Variants in NR6A1 observed in about 807,000 individuals in gnomAD.
NR6A1 encodes the protein nuclear receptor subfamily 6 group A member 1, also known as retinoic acid receptor-related testis-associated receptor.
Under a neutral mutation model 59.1 loss-of-function variants are expected in NR6A1, and 7 were observed. The observed-to-expected ratio is 0.12, with a 90% confidence interval of 0.07 to 0.22. The LOEUF (loss-of-function observed/expected upper bound fraction) is 0.22, where lower values mean the gene tolerates loss of function less well. Among genes scored for constraint, NR6A1 ranks in the 10% least tolerant of loss-of-function variants. NR6A1 has a pLI of 1.00. For missense variants in NR6A1, 468 were observed against 611.6 expected (o/e 0.77, Z 2.48); for synonymous variants, 243 against 236.1 (o/e 1.03, Z -0.27).
At chr9:124,681,049 A>G (rs1588776753) in intron 2 of NR6A1, among the ~76,000 whole-genome samples, 1 of 152,320 alleles carries the variant, frequency 6.6e-6, no homozygotes, top group East Asian at 1.9e-4. Context: ...GATTTTATTC[A>G]ATCTTGACCC....
intron 2 of NR6A1, among the ~76,000 whole-genome samples, chr9:124,688,763 G>A (rs1838423823): frequency 1.3e-5 from 2 of 152,168 alleles, no homozygotes; most frequent in African/African-American, 2.4e-5. Context: ...CACCAAGGAG[G>A]TGATAAATGA....
intron 2 of NR6A1, among the ~76,000 whole-genome samples, chr9:124,728,404 G>C (rs1839787801): frequency 6.6e-6 from 1 of 151,894 alleles, no homozygotes; most frequent in African/African-American, 2.4e-5. Flanking sequence ...GGGAGGCTGA[G>C]GCAGGTGGAT....
intron 8 of NR6A1, among the ~76,000 whole-genome samples, chr9:124,525,689 C>A (rs1170887219): frequency 6.7e-6 from 1 of 150,238 alleles, no homozygotes; most frequent in African/African-American, 2.5e-5. Flanking sequence ...CTCTCTCTCT[C>A]TCTCTCTCTC....
At chr9:124,677,517 C>T (rs1327056854) in intron 2 of NR6A1, among the ~76,000 whole-genome samples, 2 of 151,934 alleles carry the variant, frequency 1.3e-5, no homozygotes, top group Non-Finnish European at 2.9e-5. Flanking sequence ...CTTGCTTCAG[C>T]CTCCCAAAGT....
At chr9:124,645,419 C>T (rs1836901834) in intron 2 of NR6A1, among the ~76,000 whole-genome samples, 2 of 152,106 alleles carry the variant, frequency 1.3e-5, no homozygotes, top group Middle Eastern at 3.2e-3. Context: ...AGTAGAAAGA[C>T]ACATAAAGAA....
At chr9:124,734,243 T>G (rs1839959257) in intron 1 of NR6A1, among the ~76,000 whole-genome samples, 1 of 152,214 alleles carries the variant, frequency 6.6e-6, no homozygotes, top group South Asian at 2.1e-4. Context: ...AACAAGGAAC[T>G]ACTTGTTCAG....
chr9:124,571,092 G>C, intron 2 of NR6A1, among the ~76,000 whole-genome samples: 1 of 152,192 alleles, frequency 6.6e-6, no homozygotes, highest in East Asian at 1.9e-4. Flanking sequence ...GAGTGAATGA[G>C]TCATTCTGGA....
chr9:124,679,559 T>C (rs2130988892), intron 2 of NR6A1, among the ~76,000 whole-genome samples: 1 of 152,284 alleles, frequency 6.6e-6, no homozygotes, highest in South Asian at 2.1e-4. Context: ...ATTAGCAGTA[T>C]AAACAAAAGC....
At position 124,521,184 on chromosome 9, in the gene NR6A1, A is replaced by G. The variant is rs1588631979; in HGVS notation, c.*1521T>C. The G allele has an allele frequency of 6.6e-6, 1 of 152,308 alleles. No homozygotes were observed. Among genetic ancestry groups the G allele is most frequent in the African/African-American group, 2.4e-5 (1 of 41,458 alleles). The allele number at this position is 152,308 out of a possible 1,614,324, so 9.4% of individuals were successfully genotyped here. On this transcript the variant is annotated 3_prime_UTR_variant, in exon 10 of 10. Transcript: ENST00000487099. ...TGAAAGATACCTGGGTGTAGGCAGG[A>G]CAAGCACCTGAAAGAGTTCAAAGAC...
chr9:124,722,629 G>GT (rs1353112811), intron 2 of NR6A1, among the ~76,000 whole-genome samples: 6 of 152,150 alleles, frequency 3.9e-5, no homozygotes, highest in East Asian at 1.9e-4. Flanking sequence ...TTTTTATCTT[G>GT]TTTTTTTCAT....
At chr9:124,693,486 A>T (rs1838634335) in intron 2 of NR6A1, among the ~76,000 whole-genome samples, 1 of 152,206 alleles carries the variant, frequency 6.6e-6, no homozygotes, top group Non-Finnish European at 1.5e-5. Context: ...GCTACCTGTG[A>T]GGTTCTCCAA....
chr9:124,522,697 G>C lies in NR6A1; in HGVS notation c.*8C>G. 1 of 1,566,050 alleles carries C rather than the reference G, an allele frequency of 6.4e-7. No individual in the cohort carries two copies. Among genetic ancestry groups the C allele is most frequent in the Non-Finnish European group, 8.7e-7 (1 of 1,155,808 alleles). The stretch of plus-strand genomic sequence containing the variant: ...TGTGGTTGGCCTGAGGAGGGCGCCT[G>C]GAACAGGTCATTCCTTGCCCACACT... On this transcript the variant is annotated 3_prime_UTR_variant, in exon 10 of 10. Transcript: ENST00000487099.
chr9:124,603,657 C>A (rs984395846), intron 2 of NR6A1, among the ~76,000 whole-genome samples: 2 of 152,102 alleles, frequency 1.3e-5, no homozygotes, highest in Admixed American at 6.6e-5. Context: ...AAATATGAGA[C>A]CAAGGACTGT....
At position 124,767,022 on chromosome 9, in the gene NR6A1, A is replaced by C. The variant is rs1050157563; in HGVS notation, c.100+3998T>G. ...ACAAACACTAGGGGTGGTATAAGAA[A>C]CTTCCTCTACCAATGTTACAGCAAC... On this transcript the variant is annotated intron_variant, in intron 1 of 9. Transcript: ENST00000487099. Among the ~76,000 whole-genome samples, 8 of 152,190 alleles carry C rather than the reference A, an allele frequency of 5.3e-5. 1 individual carries two copies. Among genetic ancestry groups the C allele is most frequent in the Admixed American group, 4.6e-4 (7 of 15,284 alleles).
At chr9:124,743,727 C>A (rs1840242842) in intron 1 of NR6A1, among the ~76,000 whole-genome samples, 2 of 152,214 alleles carry the variant, frequency 1.3e-5, no homozygotes, top group Non-Finnish European at 2.9e-5. Flanking sequence ...AAGGCTGTAG[C>A]TATAGAATCA....
intron 2 of NR6A1, among the ~76,000 whole-genome samples, chr9:124,666,111 GCTTTTT>G (rs1201267880): frequency 6.6e-6 from 1 of 151,942 alleles, no homozygotes; most frequent in African/African-American, 2.4e-5. Context: ...ATATCATGTG[GCTTTTT>G]CTTTTTCTTT....
intron 7 of NR6A1, 46 bp from the exon 8 acceptor site, chr9:124,526,946 G>C (rs201147948): frequency 1.2e-6 from 2 of 1,610,498 alleles, no homozygotes; most frequent in Non-Finnish European, 1.7e-6. Context: ...GACACCAGTA[G>C]GGGCCAGGAA....
intron 3 of NR6A1, among the ~76,000 whole-genome samples, chr9:124,545,765 T>G (rs993926611): frequency 6.6e-6 from 1 of 152,232 alleles, no homozygotes; most frequent in African/African-American, 2.4e-5. Flanking sequence ...TTACTTTTCA[T>G]TTAAAGGGCC....
At chr9:124,528,733 AAACC>A (rs112777211) in intron 7 of NR6A1, among the ~76,000 whole-genome samples, 11 of 151,892 alleles carry the variant, frequency 7.2e-5, no homozygotes, top group Admixed American at 2.0e-4. Flanking sequence ...ACCAAAAACC[AAACC>A]AACCAACCAA....
Sources: allele counts gnomAD v4.1 joint callset (sites outside exome capture counted in the v4.1 genomes callset), GRCh38; gene constraint gnomAD v4.1.1; transcripts MANE v1.5; gene names NCBI Gene and HGNC (gene_info 2026-07-23, HGNC 2026-07-21).